CPEB2: variants seen among roughly 807,000 people sequenced by gnomAD.
CPEB2 encodes the protein cytoplasmic polyadenylation element binding protein 2.
CPEB2 carries 56 observed loss-of-function variants against 93.6 expected under a neutral mutation model. The ratio of observed to expected loss-of-function variants is 0.60; its 90% CI spans 0.48 to 0.75. The LOEUF (loss-of-function observed/expected upper bound fraction) is 0.75, where lower values mean the gene tolerates loss of function less well. Ranked by LOEUF, CPEB2 falls within the 30% of genes least tolerant of loss-of-function variation. CPEB2 has a pLI of 0.00. For missense variants in CPEB2, 1,579 were observed against 1,395.1 expected, an observed-to-expected ratio of 1.13 and a Z score of -2.10; for synonymous variants, 764 against 586.3, an observed-to-expected ratio of 1.30 and a Z score of -4.38.
At chr4:15,023,749 CT>C (rs533493900) in intron 4 of CPEB2, among the ~76,000 whole-genome samples, 68 of 145,576 alleles carry the variant, frequency 4.7e-4, no homozygotes, top group East Asian at 1.2e-3. Flanking sequence ...CCACTATGAG[CT>C]TTTTTTTTTT....
intron 9 of CPEB2, 105 bp downstream of exon 9, chr4:15,058,644 G>T (rs1365885267): frequency 7.1e-6 from 5 of 706,292 alleles, no homozygotes; most frequent in Non-Finnish European, 9.9e-6. Context: ...ACCATGTTGA[G>T]TTTTAGTTTT....
chr4:15,056,293 G>A (rs1230143141), intron 8 of CPEB2, among the ~76,000 whole-genome samples: 2 of 152,144 alleles, frequency 1.3e-5, no homozygotes, highest in African/African-American at 4.8e-5. Flanking sequence ...AGCGTTCCAG[G>A]CAGGAATGGA....
chr4:15,038,368 T>C (rs1229333529), intron 5 of CPEB2, among the ~76,000 whole-genome samples: 1 of 152,172 alleles, frequency 6.6e-6, no homozygotes, highest in East Asian at 1.9e-4. Context: ...AATTTATCAT[T>C]TGACTTTAAA....
chr4:15,056,199 T>G (rs1728697259), intron 8 of CPEB2, among the ~76,000 whole-genome samples: 5 of 152,172 alleles, frequency 3.3e-5, no homozygotes, highest in Non-Finnish European at 7.3e-5. Context: ...GAGAAATTAC[T>G]TCAAGTAGAT....
chr4:15,024,723 G>A (rs1166234574), intron 4 of CPEB2, among the ~76,000 whole-genome samples: 1 of 147,270 alleles, frequency 6.8e-6, no homozygotes, highest in African/African-American at 2.5e-5. Flanking sequence ...TTGGAATTTT[G>A]GGATATTATT....
chr4:15,046,387 G>A (rs916483511), intron 6 of CPEB2, among the ~76,000 whole-genome samples: 3 of 152,060 alleles, frequency 2.0e-5, no homozygotes, highest in Non-Finnish European at 2.9e-5. Context: ...CACCACACCC[G>A]GCTAATTTTT....
intron 4 of CPEB2, among the ~76,000 whole-genome samples, chr4:15,026,138 G>C (rs1361976792): frequency 6.6e-6 from 1 of 152,004 alleles, no homozygotes; most frequent in African/African-American, 2.4e-5. Flanking sequence ...ATCAAGGGTA[G>C]ATTACTTTTG....
rs1237189012 is a variant in CPEB2 at position 15,002,778 on chromosome 4, C to T, written c.105C>T (p.Ser35=). The change falls in exon 1 of 12, where the codon TCC becomes TCT. Residue 35 remains serine (S), a synonymous_variant. Transcript: ENST00000538197. ...CGTATGGTCCTTACGCCGTGGGGTC[C>T]GTCAACCCGCTGCCCTCCGCCACGC... The part of the protein sequence containing the change: ...GEAYGPYAVG[S]VNPLPSATPF... 15 of 1,535,574 alleles carry T rather than the reference C, an allele frequency of 9.8e-6. No individual in the cohort carries two copies. The highest frequency in any genetic ancestry group is 1.3e-5 in the Non-Finnish European group (15 of 1,146,664).
In CPEB2 at chr4:15,004,013, A is replaced by G. The variant is rs757353466; in HGVS notation, c.1340A>G (p.Asn447Ser). Residue 447 changes from asparagine to serine, a missense_variant, in exon 1 of 12, where the codon AAC becomes AGC. By Grantham distance (46) the Asn-to-Ser change is conservative. This residue lies in a region of CPEB2 where 1,411 missense variants were observed against 1,056.0 expected (regional missense o/e 1.34). Transcript: ENST00000538197. ...CCGCCGCCCAGCCCCGACTCAGAGA[A>G]CGGCTTCTACCCCGGGCTGCCGTCG... is the stretch of plus-strand genomic sequence containing the variant. The part of the protein sequence containing the change: ...AMPPPSPDSE[N>S]GFYPGLPSSM... The G allele has an allele frequency of 1.3e-6, 2 of 1,552,094 alleles. No individual in the cohort carries two copies. The highest frequency in any genetic ancestry group is 3.8e-5 in the Admixed American group (2 of 52,696).
intron 10 of CPEB2, among the ~76,000 whole-genome samples, chr4:15,061,360 G>C (rs1395993523): frequency 1.3e-5 from 2 of 152,076 alleles, no homozygotes; most frequent in Admixed American, 1.3e-4. Flanking sequence ...CAGAAGAAAT[G>C]TATCAGTGAG....
chr4:15,049,151 A>G (rs1436458524), intron 6 of CPEB2, among the ~76,000 whole-genome samples: 1 of 152,086 alleles, frequency 6.6e-6, no homozygotes, highest in Non-Finnish European at 1.5e-5. Flanking sequence ...TTTTAGTTAT[A>G]TGAATACTAA....
In CPEB2 at chr4:15,040,504, T is replaced by A; in HGVS notation, c.2200+17T>A. The A allele has an allele frequency of 2.6e-6, 4 of 1,535,020 alleles. No individual in the cohort carries two copies. Among genetic ancestry groups the A allele is most frequent in the Non-Finnish European group, 3.5e-6 (4 of 1,145,832 alleles). The stretch of plus-strand genomic sequence containing the variant: ...GAAGACGAGGTAATTCATTTCTGTT[T>A]GCTATGGTATAATTGTTTCTAATGG... On this transcript the variant is annotated intron_variant, in intron 6 of 11. Transcript: ENST00000538197.
chr4:15,003,179 GGCA>G lies in CPEB2; in HGVS notation c.518_520del (p.Gln173del), dbSNP rs576522935. 7.8e-5 allele frequency: 120 copies of G among 1,533,362 alleles called. No individual in the cohort carries two copies. The South Asian group carries it at 1.1e-3, about 14-fold the overall frequency. 95.0% of individuals were successfully genotyped at this position (1,533,362 alleles called of 1,614,324 possible). A position where few individuals can be genotyped will look rare whatever the true frequency, so the allele number is the denominator to read the frequency against. Reference sequence around the variant, plus strand: ...TCCTCCCCGCAGGACTTCAGTAAGCGGCAGCAGCAGCAGCTGAGCAGCCAGAAG... The same window carrying G: ...TCCTCCCCGCAGGACTTCAGTAAGCGGCAGCAGCAGCTGAGCAGCCAGAAG... On this transcript the variant is annotated inframe_deletion, in exon 1 of 12. Coordinates refer to ENST00000538197, the MANE Select transcript of CPEB2 (RefSeq NM_001177382.2).
rs1241530185 is a variant in CPEB2, at chr4:15,068,720, A to C, written c.*2340A>C. 6.6e-6 allele frequency: 1 copy of C among 152,322 alleles called. No individual in the cohort carries two copies. The highest frequency in any genetic ancestry group is 1.5e-5 in the Non-Finnish European group (1 of 67,858). The allele number at this position is 152,322 out of a possible 1,614,324, so 9.4% of individuals were successfully genotyped here. ...CAAATTATATAATTAAAATAATTGG[A>C]GATGTTGAAAATCATTTTCCCTTCT... On this transcript the variant is annotated 3_prime_UTR_variant, in exon 12 of 12. Transcript: ENST00000538197.
chr4:15,034,001 G>A (rs1726368456), intron 5 of CPEB2, among the ~76,000 whole-genome samples: 1 of 152,160 alleles, frequency 6.6e-6, no homozygotes, highest in Admixed American at 6.5e-5. Context: ...CAATGAAGTT[G>A]AGGAACAAAG....
At chr4:15,041,859 A>T (rs940352273) in intron 6 of CPEB2, among the ~76,000 whole-genome samples, 1 of 152,178 alleles carries the variant, frequency 6.6e-6, no homozygotes, top group African/African-American at 2.4e-5. Context: ...AATTTAACTT[A>T]ATTTTTTAAT....
intron 1 of CPEB2, among the ~76,000 whole-genome samples, chr4:15,004,677 G>T (rs1722544152): frequency 6.6e-6 from 1 of 151,794 alleles, no homozygotes; most frequent in African/African-American, 2.4e-5. Context: ...CGGGCGGCCG[G>T]GCGCGGCGTC....
At chr4:15,004,433 C>T in intron 1 of CPEB2, 98 bp downstream of exon 1, 1 of 879,912 alleles carries the variant, frequency 1.1e-6, no homozygotes. Context: ...ACCTTAGCCC[C>T]GAGAGAAGCC....
intron 3 of CPEB2, among the ~76,000 whole-genome samples, chr4:15,012,585 G>T (rs749572860): frequency 1.3e-5 from 2 of 152,074 alleles, no homozygotes; most frequent in African/African-American, 4.8e-5. Context: ...TGAGTACTAC[G>T]TTATGCAGTA....
Sources: allele counts gnomAD v4.1 joint callset (sites outside exome capture counted in the v4.1 genomes callset), GRCh38; gene constraint gnomAD v4.1.1; regional missense constraint gnomAD v4.1.1; transcripts MANE v1.5; gene names NCBI Gene and HGNC (gene_info 2026-07-23, HGNC 2026-07-21).